Variants in POLR3C observed in about 807,000 individuals in gnomAD.
POLR3C encodes the protein RNA polymerase III subunit C.
In POLR3C, 44 loss-of-function variants were observed where a neutral mutation model predicts 65.9. That is an observed-to-expected ratio of 0.67 (90% CI 0.52 to 0.86). The LOEUF is 0.86. Among genes scored for constraint, POLR3C ranks in the 40% least tolerant of loss-of-function variants. POLR3C has a pLI of 0.00. For synonymous variants in POLR3C, 263 were observed against 231.6 expected, an observed-to-expected ratio of 1.14 and a Z score of -1.23; for missense variants, 576 against 653.2, an observed-to-expected ratio of 0.88 and a Z score of 1.29.
chr1:145,831,117 G>T (rs953922492), intron 5 of POLR3C, among the ~76,000 whole-genome samples: 6 of 151,942 alleles, frequency 3.9e-5, no homozygotes, highest in African/African-American at 1.2e-4. Flanking sequence ...AAAAAAATTG[G>T]GTTGGTTATA....
Position 145,843,336 on chromosome 1 carries a change from A to G in POLR3C, c.*916A>G, listed in dbSNP as rs1413170197. Among the ~76,000 whole-genome samples, 2 of 152,086 alleles carry G rather than the reference A, an allele frequency of 1.3e-5. No individual in the cohort carries two copies. Among genetic ancestry groups the G allele is most frequent in the Non-Finnish European group, 2.9e-5 (2 of 68,034 alleles). On this transcript the variant is annotated 3_prime_UTR_variant, in exon 15 of 15. Transcript: ENST00000334163. ...TTCTCTCTCTCAGTATCACGGATAT[A>G]ATTTGTCCCAGCAGCTTTAATTCAT... is the stretch of plus-strand genomic sequence containing the variant.
intron 7 of POLR3C, 129 bp downstream of exon 7, chr1:145,833,711 G>A (rs1343746358): frequency 3.0e-6 from 2 of 677,076 alleles, no homozygotes; most frequent in Non-Finnish European, 5.3e-6. Flanking sequence ...TGTGGAGCAG[G>A]GATTATCTTC....
At chr1:145,841,130 ACCT>A in intron 14 of POLR3C, 59 bp downstream of exon 14, 1 of 1,420,012 alleles carries the variant, frequency 7.0e-7, no homozygotes, top group Non-Finnish European at 9.9e-7. Flanking sequence ...ATCCATTTTG[ACCT>A]CCTGTAACCC....
intron 7 of POLR3C, 122 bp from the exon 8 acceptor site, chr1:145,836,372 A>G (rs1651840366): frequency 4.4e-6 from 3 of 680,054 alleles, no homozygotes; most frequent in Non-Finnish European, 7.9e-6. Flanking sequence ...CACCTGCCTC[A>G]GCCTCCCAAA....
At chr1:145,826,374 T>C in intron 2 of POLR3C, 80 bp from the exon 3 acceptor site, 1 of 1,266,098 alleles carries the variant, frequency 7.9e-7, no homozygotes, top group East Asian at 2.3e-5. Context: ...CTTACTAAGC[T>C]GTTGGACAAA....
chr1:145,837,524 C>G lies in POLR3C; in HGVS notation c.1010-12C>G. 1 of 1,529,032 alleles carries G rather than the reference C, an allele frequency of 6.5e-7. No homozygotes were observed. Among genetic ancestry groups the G allele is most frequent in the Non-Finnish European group, 8.9e-7 (1 of 1,119,802 alleles). The allele number at this position is 1,529,032 out of a possible 1,614,324, so 94.7% of individuals were successfully genotyped here. ...AAAACATTACTGAGTGACCTTAATTCTCTACATAAAGACCTCCATAAGGCA... is the reference window on the plus strand; with the variant it reads ...AAAACATTACTGAGTGACCTTAATTGTCTACATAAAGACCTCCATAAGGCA... On this transcript the variant is annotated splice_polypyrimidine_tract_variant and intron_variant, in intron 9 of 14. Transcript: ENST00000334163.
chr1:145,837,006 A>G (rs781938343), intron 9 of POLR3C, 140 bp downstream of exon 9: 14 of 548,494 alleles, frequency 2.6e-5, no homozygotes, highest in Non-Finnish European at 3.5e-5. Flanking sequence ...AAATTTTTCT[A>G]TGAATTTTCA....
At chr1:145,831,543 A>C (rs972556217) in intron 5 of POLR3C, among the ~76,000 whole-genome samples, 1 of 150,676 alleles carries the variant, frequency 6.6e-6, no homozygotes, top group African/African-American at 2.4e-5. Flanking sequence ...AGAGAGTTCT[A>C]GGATAGAGTA....
At chr1:145,841,507 T>G (rs1180133200) in intron 14 of POLR3C, among the ~76,000 whole-genome samples, 3 of 152,240 alleles carry the variant, frequency 2.0e-5, no homozygotes, top group African/African-American at 4.8e-5. Context: ...TTCCTAGACC[T>G]TCACATTTCA....
At position 145,826,710 on chromosome 1, in the gene POLR3C, G is replaced by A; in HGVS notation, c.403+1G>A. 1.2e-6 allele frequency: 2 copies of A among 1,614,060 alleles called. No homozygotes were observed. Among genetic ancestry groups the A allele is most frequent in the Non-Finnish European group, 8.5e-7 (1 of 1,179,938 alleles). ...GACCGGCTCACAGAGACCATGGAGG[G>A]TCAGTATGGTATCCATAGCTGTTAA... On this transcript the variant is annotated splice_donor_variant, in intron 3 of 14. Transcript: ENST00000334163. LOFTEE classifies it high-confidence loss of function.
rs1553730386 is a variant in POLR3C, at chr1:145,840,997, G to T, written c.1449G>T (p.Gln483His). Residue 483 changes from glutamine (Q) to histidine (H), a missense_variant, in exon 14 of 15, where the codon CAG becomes CAT. Coordinates refer to ENST00000334163, the MANE Select transcript of POLR3C (RefSeq NM_006468.8). ...SMQATGAEEA[Q>H]LQEIEEMITA... is the part of the protein sequence containing the mutation. ...AGGCTACTGGTGCAGAGGAAGCACA[G>T]TTACAAGAAATAGAGGAGATGATCA... 6.2e-7 allele frequency: 1 copy of T among 1,613,358 alleles called. No homozygotes were observed. The highest frequency in any genetic ancestry group is 1.3e-5 in the African/African-American group (1 of 74,920).
intron 4 of POLR3C, among the ~76,000 whole-genome samples, chr1:145,828,440 G>C (rs1650971136): frequency 6.6e-6 from 1 of 152,218 alleles, no homozygotes; most frequent in Admixed American, 6.5e-5. Flanking sequence ...AAATGAAAGA[G>C]AGAGGGTGAA....
rs1553729985 is a variant in POLR3C, at chr1:145,839,987, A to G, written c.1319A>G (p.Tyr440Cys). ...SAARMLLHRC[Y>C]KSIANLIERR... is the part of the protein sequence containing the mutation. Reference sequence around the variant, plus strand: ...GCCCGAATGTTGTTGCACAGGTGCTACAAGGTAACTCAATCTGGACCTTCT... The same window carrying G: ...GCCCGAATGTTGTTGCACAGGTGCTGCAAGGTAACTCAATCTGGACCTTCT... Residue 440 changes from tyrosine to cysteine, a missense_variant, in exon 12 of 15, where the codon TAC (tyrosine) becomes TGC (cysteine). Coordinates refer to ENST00000334163, the MANE Select transcript of POLR3C (RefSeq NM_006468.8). 1 of 1,598,748 alleles carries G rather than the reference A, an allele frequency of 6.3e-7. No homozygotes were observed. The highest frequency in any genetic ancestry group is 1.3e-5 in the African/African-American group (1 of 74,754).
rs58596799 is a variant in POLR3C at position 145,842,809 on chromosome 1, A to AGATAGATAGATAGAT, written c.*397_*398insGATAGATGATAGATA. Reference sequence around the variant, plus strand: ...TGAGATAGGTGATAGATAGATAGATAGATAGATAATTTGTTGTTGTTGAGA... The same window carrying AGATAGATAGATAGAT: ...TGAGATAGGTGATAGATAGATAGATAGATAGATAGATAGATGATAGATAATTTGTTGTTGTTGAGA... On this transcript the variant is annotated 3_prime_UTR_variant, in exon 15 of 15. Transcript: ENST00000334163. Among the ~76,000 whole-genome samples, 10 of 151,924 alleles carry AGATAGATAGATAGAT rather than the reference A, an allele frequency of 6.6e-5. No homozygotes were observed. Among genetic ancestry groups the AGATAGATAGATAGAT allele is most frequent in the African/African-American group, 2.4e-4 (10 of 41,294 alleles).
At chr1:145,838,429 C>T (rs1275791207) in intron 11 of POLR3C, among the ~76,000 whole-genome samples, 1 of 152,074 alleles carries the variant, frequency 6.6e-6, no homozygotes, top group Admixed American at 6.6e-5. Context: ...CGCCTGTAGT[C>T]CCAGCACTTT....
intron 8 of POLR3C, 61 bp from the exon 9 acceptor site, chr1:145,836,754 C>T: frequency 8.9e-7 from 1 of 1,127,848 alleles, no homozygotes; most frequent in Non-Finnish European, 1.4e-6. Flanking sequence ...CAGATTTGTT[C>T]CATTGGAAAC....
rs1553725776 is a variant in POLR3C at position 145,826,522 on chromosome 1, G to T, written c.216G>T (p.Val72=). The change falls in exon 3 of 15, where the codon GTG becomes GTT. Residue 72 remains valine (V), a synonymous_variant. Transcript: ENST00000334163. ...LVSYQVHKRG[V]VEYEAQCSRV... ...GTTATCAAGTGCACAAACGTGGTGT[G>T]GTGGAGTATGAAGCCCAGTGCAGCC... 1 of 1,613,780 alleles carries T rather than the reference G, an allele frequency of 6.2e-7. No individual in the cohort carries two copies. Among genetic ancestry groups the T allele is most frequent in the East Asian group, 2.2e-5 (1 of 44,876 alleles).
intron 13 of POLR3C, 37 bp from the exon 14 acceptor site, chr1:145,840,885 T>C (rs781849708): frequency 7.7e-6 from 12 of 1,568,494 alleles, no homozygotes; most frequent in Non-Finnish European, 1.1e-5. Context: ...ATCTCCCAGG[T>C]TAGGGAAGAT....
chr1:145,825,176 T>C (rs1650615078), intron 1 of POLR3C, among the ~76,000 whole-genome samples: 1 of 152,112 alleles, frequency 6.6e-6, no homozygotes, highest in South Asian at 2.1e-4. Flanking sequence ...TGGCGCGATC[T>C]CGGCTCACTG....
Sources: gnomAD v4.1 joint callset for allele counts (sites outside exome capture counted in the v4.1 genomes callset) on GRCh38, gnomAD v4.1.1 for gene constraint, MANE v1.5 for transcripts, NCBI Gene and HGNC (gene_info 2026-07-23, HGNC 2026-07-21) for gene names.